Variants in AFAP1L1 observed in about 807,000 individuals in gnomAD.
AFAP1L1 encodes actin filament-associated protein 1-like 1.
In AFAP1L1, 77 loss-of-function variants were observed where a neutral mutation model predicts 99.8. The ratio of observed to expected loss-of-function variants is 0.77; its 90% CI spans 0.64 to 0.93. The LOEUF is 0.93. AFAP1L1 is among the 40% of genes least tolerant of loss of function. AFAP1L1 has a pLI of 0.00. For missense variants in AFAP1L1, 893 were observed against 996.8 expected, an observed-to-expected ratio of 0.90 and a Z score of 1.40; for synonymous variants, 373 against 395.3, an observed-to-expected ratio of 0.94 and a Z score of 0.67.
intron 1 of AFAP1L1, among the ~76,000 whole-genome samples, chr5:149,299,146 G>C (rs2127593651): frequency 6.6e-6 from 1 of 152,328 alleles, no homozygotes; most frequent in East Asian, 1.9e-4. Context: ...GCTGCAGTGA[G>C]AAAGGACCCT....
intron 1 of AFAP1L1, among the ~76,000 whole-genome samples, chr5:149,289,696 C>T (rs1024884242): frequency 7.2e-5 from 11 of 152,304 alleles, no homozygotes; most frequent in African/African-American, 2.6e-4. Context: ...TTTGCAACAA[C>T]TTGGAAGAGT....
chr5:149,297,719 G>C (rs1756062057), intron 1 of AFAP1L1, among the ~76,000 whole-genome samples: 1 of 152,132 alleles, frequency 6.6e-6, no homozygotes, highest in Non-Finnish European at 1.5e-5. Context: ...GTTCATTCCT[G>C]TCTTGTCAGA....
intron 15 of AFAP1L1, among the ~76,000 whole-genome samples, chr5:149,326,006 T>C (rs1757084148): frequency 1.3e-5 from 2 of 152,294 alleles, no homozygotes; most frequent in East Asian, 1.9e-4. Context: ...CACAGGCCAT[T>C]GTTCCCACCC....
chr5:149,282,136 C>T (rs1358134890), intron 1 of AFAP1L1, among the ~76,000 whole-genome samples: 14 of 152,280 alleles, frequency 9.2e-5, no homozygotes, highest in Non-Finnish European at 1.3e-4. Flanking sequence ...GCTGGCCTGG[C>T]GTGATTCTTC....
chr5:149,330,694 G>A (rs1561685193), intron 16 of AFAP1L1, among the ~76,000 whole-genome samples: 2 of 152,152 alleles, frequency 1.3e-5, no homozygotes, highest in Non-Finnish European at 2.9e-5. Context: ...AGAATTTTCT[G>A]AGAGTCAGAA....
Position 149,320,246 on chromosome 5 carries a change from A to G in AFAP1L1, c.1626-145A>G, listed in dbSNP as rs1756913493. On this transcript the variant is annotated intron_variant, in intron 13 of 18. Transcript: ENST00000296721. This position sits in a 1 kb window ranked among gnomAD's most constrained non-coding sequence, Gnocchi z 4.0. ...ACGCCCTAACACAGCCCATGACACA[A>G]TGCTGCCTGCCATCTTGCTTTTACC... 1 of 744,442 alleles carries G rather than the reference A, an allele frequency of 1.3e-6. No individual in the cohort carries two copies. The highest frequency in any genetic ancestry group is 1.7e-5 in the South Asian group (1 of 59,726). 46.1% of individuals were successfully genotyped at this position (744,442 alleles called of 1,614,324 possible).
At chr5:149,309,534 A>C (rs1230718674) in intron 7 of AFAP1L1, among the ~76,000 whole-genome samples, 1 of 152,178 alleles carries the variant, frequency 6.6e-6, no homozygotes, top group East Asian at 1.9e-4. Context: ...CTCATTAAAA[A>C]AATGGGGAAG....
At chr5:149,318,237 T>G (rs1026671785) in intron 12 of AFAP1L1, among the ~76,000 whole-genome samples, 2 of 152,270 alleles carry the variant, frequency 1.3e-5, no homozygotes, top group African/African-American at 2.4e-5. Context: ...ATTGTTCATC[T>G]GACATTCAAA....
intron 14 of AFAP1L1, among the ~76,000 whole-genome samples, chr5:149,321,313 A>C (rs981235810): frequency 1.3e-5 from 2 of 152,240 alleles, no homozygotes; most frequent in South Asian, 4.1e-4. Flanking sequence ...TTAGCACTTA[A>C]GGATGTGAAG....
At position 149,342,767 on chromosome 5, in the gene AFAP1L1, C is replaced by G. The variant is rs1156969376; in HGVS notation, c.*2737C>G. On this transcript the variant is annotated 3_prime_UTR_variant, in exon 19 of 19. Coordinates refer to ENST00000296721, the MANE Select transcript of AFAP1L1 (RefSeq NM_152406.4). ...TCTCTATCAAAAATACAAAAGTTAG[C>G]TGGGCACGGTGGCACATGCCGGTAG... Among the ~76,000 whole-genome samples, 1 of 151,910 alleles carries G rather than the reference C, an allele frequency of 6.6e-6. No homozygotes were observed. The highest frequency in any genetic ancestry group is 2.4e-5 in the African/African-American group (1 of 41,130).
Position 149,332,719 on chromosome 5 carries a change from A to G in AFAP1L1, c.2000A>G (p.Glu667Gly). The G allele has an allele frequency of 1.2e-6, 2 of 1,613,650 alleles. No homozygotes were observed. The highest frequency in any genetic ancestry group is 1.7e-6 in the Non-Finnish European group (2 of 1,179,944). ...SPGAKLKALEEAVATLEAQCR... is the reference protein window; with the variant it reads ...SPGAKLKALEGAVATLEAQCR... ...GGAGCAAAATTAAAGGCTCTGGAAG[A>G]AGCCGTGGCCACCCTGGAAGCTCAG... The change falls in exon 17 of 19, where the codon GAA (glutamate) becomes GGA (glycine). Residue 667 changes from glutamate (E) to glycine (G), a missense_variant. Coordinates refer to ENST00000296721, the MANE Select transcript of AFAP1L1 (RefSeq NM_152406.4).
At chr5:149,314,119 G>A (rs1756723559) in intron 9 of AFAP1L1, among the ~76,000 whole-genome samples, 1 of 152,210 alleles carries the variant, frequency 6.6e-6, no homozygotes, top group African/African-American at 2.4e-5. Context: ...GCCAAGGGGA[G>A]GGAACAGAAG....
In AFAP1L1 at chr5:149,302,514, A is replaced by G. The variant is rs373024375; in HGVS notation, c.424A>G (p.Ile142Val). The G allele has an allele frequency of 3.0e-5, 47 of 1,581,744 alleles. No homozygotes were observed. The African/African-American group carries it at 5.4e-4, about 18-fold the overall frequency. Residue 142 changes from isoleucine to valine, a missense_variant, in exon 5 of 19, where the codon ATC (isoleucine) becomes GTC (valine). Physicochemically the swap from Ile to Val is conservative, Grantham distance 29. Transcript: ENST00000296721. ...GGGACCCGGCAAGTCGCCTGAGTACATCAGCTCCCACAGTAAGTTCTGGTC... is the reference window on the plus strand; with the variant it reads ...GGGACCCGGCAAGTCGCCTGAGTACGTCAGCTCCCACAGTAAGTTCTGGTC... ...PLGPGKSPEYISSHNGCSPSH... is the reference protein window; with the variant it reads ...PLGPGKSPEYVSSHNGCSPSH...
chr5:149,283,851 G>A (rs758502150), intron 1 of AFAP1L1, among the ~76,000 whole-genome samples: 3 of 152,182 alleles, frequency 2.0e-5, no homozygotes, highest in Non-Finnish European at 2.9e-5. Flanking sequence ...AGAGCCTGAT[G>A]GCCTTTCCTC....
intron 1 of AFAP1L1, among the ~76,000 whole-genome samples, chr5:149,291,495 C>T (rs993869524): frequency 7.5e-6 from 1 of 132,874 alleles, no homozygotes; most frequent in African/African-American, 2.8e-5. Context: ...CACTGCACTC[C>T]AGCCGGACAA....
chr5:149,321,562 A>G (rs1242640831), intron 14 of AFAP1L1, among the ~76,000 whole-genome samples: 1 of 151,164 alleles, frequency 6.6e-6, no homozygotes, highest in Non-Finnish European at 1.5e-5. Context: ...CCTCGTCTCT[A>G]CTTAAAAACT....
At chr5:149,317,596 C>T in intron 11 of AFAP1L1, 133 bp from the exon 12 acceptor site, 1 of 847,756 alleles carries the variant, frequency 1.2e-6, no homozygotes, top group South Asian at 1.8e-5. Flanking sequence ...CCCAAGGTCA[C>T]CCTGAGGTCA....
intron 16 of AFAP1L1, 131 bp downstream of exon 16, chr5:149,329,961 T>A (rs1757210217): frequency 1.4e-6 from 1 of 691,336 alleles, no homozygotes; most frequent in Admixed American, 3.6e-5. Flanking sequence ...CCCCTCCTCC[T>A]TCTCCTCCTC....
At chr5:149,327,648 C>T (rs935956657) in intron 15 of AFAP1L1, among the ~76,000 whole-genome samples, 5 of 151,658 alleles carry the variant, frequency 3.3e-5, no homozygotes, top group African/African-American at 4.8e-5. Context: ...ATAACTGAAA[C>T]GAAAAACTCA....
Sources: allele counts gnomAD v4.1 joint callset (sites outside exome capture counted in the v4.1 genomes callset), GRCh38; gene constraint gnomAD v4.1.1; non-coding constraint Gnocchi (gnomAD v3.1); transcripts MANE v1.5; gene names NCBI Gene and HGNC (gene_info 2026-07-23, HGNC 2026-07-21).